The following ARHGAP22 variants were observed in gnomAD, a reference collection of about 807,000 sequenced individuals.
ARHGAP22 encodes the protein Rho GTPase activating protein 22.
In ARHGAP22, 48 loss-of-function variants were observed where a neutral mutation model predicts 59.1. The observed-to-expected ratio is 0.81, with a 90% CI of 0.64 to 1.03. ARHGAP22 has a LOEUF of 1.03. Ranked by LOEUF, ARHGAP22 falls within the 50% of genes least tolerant of loss-of-function variation. The pLI, the probability that ARHGAP22 is intolerant of heterozygous loss-of-function variation, is 0.00. For synonymous variants in ARHGAP22, 445 were observed against 416.4 expected, an observed-to-expected ratio of 1.07 and a Z score of -0.84; for missense variants, 1,015 against 958.7, an observed-to-expected ratio of 1.06 and a Z score of -0.78.
Position 48,454,165 on chromosome 10 carries a change from A to C in ARHGAP22, c.793-4T>G, listed in dbSNP as rs1231256504. 1 of 1,613,308 alleles carries C rather than the reference A, an allele frequency of 6.2e-7. No homozygotes were observed. The highest frequency in any genetic ancestry group is 1.1e-5 in the South Asian group (1 of 91,076). ...GTTTAGCCAACTCCAGAGTGCCCTT[A>C]GGAATGAAGAACAGAATTTCAAACA... On this transcript the variant is annotated splice_region_variant and splice_polypyrimidine_tract_variant and intron_variant, in intron 6 of 9. Transcript: ENST00000249601.
At chr10:48,471,617 T>C (rs1589584224) in intron 4 of ARHGAP22, among the ~76,000 whole-genome samples, 1 of 152,008 alleles carries the variant, frequency 6.6e-6, no homozygotes, top group Non-Finnish European at 1.5e-5. Context: ...TCATAACAAC[T>C]CCAGCCTCCA....
At chr10:48,574,656 G>A (rs2058598810) in intron 2 of ARHGAP22, 1 of 152,210 alleles carries the variant, frequency 6.6e-6, no homozygotes, top group Non-Finnish European at 1.5e-5. Context: ...CCCCCAGGTG[G>A]TGCTGAGATG....
At chr10:48,507,690 C>T (rs2052289763) in intron 3 of ARHGAP22, among the ~76,000 whole-genome samples, 1 of 152,146 alleles carries the variant, frequency 6.6e-6, no homozygotes, top group Non-Finnish European at 1.5e-5. Context: ...AGTCTCCACC[C>T]ATGTATCCAT....
intron 1 of ARHGAP22, among the ~76,000 whole-genome samples, chr10:48,627,533 G>A (rs559320268): frequency 6.6e-6 from 1 of 152,216 alleles, no homozygotes; most frequent in South Asian, 2.1e-4. Flanking sequence ...GGTGGGCAGG[G>A]CCTGTCCCAT....
intron 2 of ARHGAP22, among the ~76,000 whole-genome samples, chr10:48,556,029 T>A (rs367655340): frequency 6.6e-5 from 10 of 152,188 alleles, no homozygotes; most frequent in South Asian, 2.1e-4. Flanking sequence ...GAGATAGGAG[T>A]CAGTTACCAT....
At chr10:48,582,189 G>A (rs984453134) in intron 2 of ARHGAP22, among the ~76,000 whole-genome samples, 7 of 152,286 alleles carry the variant, frequency 4.6e-5, no homozygotes, top group Admixed American at 6.5e-5. Flanking sequence ...ACCGAACAGG[G>A]GATCTGCCCT....
chr10:48,473,227 T>C (rs543302574), intron 4 of ARHGAP22, among the ~76,000 whole-genome samples: 120 of 152,280 alleles, frequency 7.9e-4, no homozygotes, highest in African/African-American at 2.8e-3. Flanking sequence ...CAAAATGAAA[T>C]AAGCCAGTCA....
At chr10:48,534,436 T>G (rs999714533) in intron 3 of ARHGAP22, among the ~76,000 whole-genome samples, 2 of 152,152 alleles carry the variant, frequency 1.3e-5, no homozygotes, top group Non-Finnish European at 2.9e-5. Context: ...CAGGAGGCCA[T>G]GGGGCCAAGA....
chr10:48,508,316 T>C (rs1401859811), intron 3 of ARHGAP22, among the ~76,000 whole-genome samples: 3 of 152,234 alleles, frequency 2.0e-5, no homozygotes, highest in African/African-American at 7.2e-5. Flanking sequence ...CAGCTGTTAC[T>C]GGGGACATGT....
chr10:48,613,004 T>C (rs1338304233), intron 1 of ARHGAP22, among the ~76,000 whole-genome samples: 3 of 152,236 alleles, frequency 2.0e-5, no homozygotes, highest in African/African-American at 7.2e-5. Context: ...CAGAAGGTGC[T>C]GCTGGATGAT....
At chr10:48,648,773 G>A (rs184599711) in intron 1 of ARHGAP22, among the ~76,000 whole-genome samples, 3 of 152,204 alleles carry the variant, frequency 2.0e-5, no homozygotes, top group East Asian at 1.9e-4. Context: ...CAGGCGCAGC[G>A]GGGTGGGGGA....
intron 1 of ARHGAP22, among the ~76,000 whole-genome samples, chr10:48,611,073 T>C (rs1442859355): frequency 6.6e-6 from 1 of 152,252 alleles, no homozygotes; most frequent in Non-Finnish European, 1.5e-5. Flanking sequence ...GACAACTATC[T>C]GGGCTGCTCA....
In ARHGAP22 at chr10:48,605,006, C is replaced by T; in HGVS notation, c.-210G>A. 6.9e-7 allele frequency: 1 copy of T among 1,445,108 alleles called. No individual in the cohort carries two copies. Among genetic ancestry groups the T allele is most frequent in the African/African-American group, 1.4e-5 (1 of 70,136 alleles). The allele number at this position is 1,445,108 out of a possible 1,614,324, so 89.5% of individuals were successfully genotyped here. On this transcript the variant is annotated 5_prime_UTR_variant, in exon 1 of 10. Transcript: ENST00000249601. ...ACATAAACCTCGATGCATTATTTAT[C>T]CATCCCAGAATTAATTCCCATCCAA...
intron 3 of ARHGAP22, among the ~76,000 whole-genome samples, chr10:48,554,612 G>C (rs1214250744): frequency 6.6e-6 from 1 of 152,164 alleles, no homozygotes; most frequent in Admixed American, 6.5e-5. Context: ...GTCCATGTGA[G>C]GGTAGGCTAG....
chr10:48,558,829 A>G (rs2057494774), intron 2 of ARHGAP22, among the ~76,000 whole-genome samples: 1 of 152,230 alleles, frequency 6.6e-6, no homozygotes, highest in Non-Finnish European at 1.5e-5. Flanking sequence ...CCACTAGTCT[A>G]GGGACACTAA....
Position 48,450,493 on chromosome 10 carries a change from C to G in ARHGAP22, c.1636G>C (p.Asp546His), listed in dbSNP as rs756521559. 5.9e-6 allele frequency: 9 copies of G among 1,532,340 alleles called. No homozygotes were observed. In the East Asian group the frequency reaches 1.9e-4, roughly 33 times the overall value. The allele number at this position is 1,532,340 out of a possible 1,614,324, so 94.9% of individuals were successfully genotyped here. A position where few individuals can be genotyped will look rare whatever the true frequency, so the allele number is the denominator to read the frequency against. ...AGCGGGGAGGGCTCCAGGGCCCAGT[C>G]GGTGTGCAGGGAACTGCGGGCAGAC... is the stretch of plus-strand genomic sequence containing the variant. ...DSSARSSLHT[D>H]WALEPSPLPS... The change falls in exon 9 of 10, where the codon GAC becomes CAC. Residue 546 changes from aspartate (D) to histidine (H), a missense_variant. Coordinates refer to ENST00000249601, the MANE Select transcript of ARHGAP22 (RefSeq NM_021226.4).
intron 3 of ARHGAP22, among the ~76,000 whole-genome samples, chr10:48,489,880 C>T (rs2050208443): frequency 6.6e-6 from 1 of 152,074 alleles, no homozygotes; most frequent in Non-Finnish European, 1.5e-5. Context: ...ACTACAGGCA[C>T]CTGCCATCAC....
intron 3 of ARHGAP22, among the ~76,000 whole-genome samples, chr10:48,481,352 T>C (rs3867452): frequency 0.95 from 144,881 of 152,266 alleles, 69,370 homozygotes; most frequent in East Asian, 1. Context: ...AAGCCAGATG[T>C]CACCAGGAAG....
At chr10:48,518,442 A>C (rs1322885724) in intron 3 of ARHGAP22, among the ~76,000 whole-genome samples, 2 of 152,358 alleles carry the variant, frequency 1.3e-5, no homozygotes, top group South Asian at 2.1e-4. Context: ...TAAAGGAAAA[A>C]TACATAATGG....
Sources: gnomAD v4.1 joint callset for allele counts (sites outside exome capture counted in the v4.1 genomes callset) on GRCh38, gnomAD v4.1.1 for gene constraint, MANE v1.5 for transcripts, NCBI Gene and HGNC (gene_info 2026-07-23, HGNC 2026-07-21) for gene names.